SH3BP5: variants seen among roughly 807,000 people sequenced by gnomAD.
SH3BP5 encodes SH3 domain binding protein 5, also known as SH3 domain-binding protein 5.
A neutral mutation model predicts 43.3 loss-of-function variants in SH3BP5; 22 were observed. The ratio of observed to expected loss-of-function variants is 0.51; its 90% CI spans 0.36 to 0.73. The LOEUF is 0.73. Ranked by LOEUF, SH3BP5 falls within the 30% of genes least tolerant of loss-of-function variation. SH3BP5 has a pLI of 0.00. For missense variants in SH3BP5, 529 were observed against 586.9 expected, an observed-to-expected ratio of 0.90 and a Z score of 1.02; for synonymous variants, 255 against 225.8, an observed-to-expected ratio of 1.13 and a Z score of -1.16.
intron 2 of SH3BP5, among the ~76,000 whole-genome samples, chr3:15,312,145 C>T (rs146480076): frequency 1.1e-4 from 17 of 152,236 alleles, no homozygotes; most frequent in African/African-American, 3.9e-4. Flanking sequence ...TCATTCTGAG[C>T]GTTCAGTAGA....
At chr3:15,334,652 T>G (rs1169259492), upstream of SH3BP5, among the ~76,000 whole-genome samples, 1 of 152,150 alleles carries the variant, frequency 6.6e-6, no homozygotes, top group Non-Finnish European at 1.5e-5. Flanking sequence ...TAGAGCTGAC[T>G]TAAAGTATAC....
chr3:15,303,913 G>A (rs1047163807), intron 3 of SH3BP5, among the ~76,000 whole-genome samples, 190 bp downstream of exon 3: 2 of 152,114 alleles, frequency 1.3e-5, no homozygotes, highest in African/African-American at 2.4e-5. Flanking sequence ...TCATCCAAAT[G>A]CCAGCACTCA....
At chr3:15,264,157 A>G (rs532903711) in intron 4 of SH3BP5, 2 of 152,328 alleles carry the variant, frequency 1.3e-5, no homozygotes, top group African/African-American at 4.8e-5. Context: ...AAAGACTTTT[A>G]TATGGGCATT....
intron 2 of SH3BP5, among the ~76,000 whole-genome samples, chr3:15,311,723 G>A (rs1424302920): frequency 6.6e-6 from 1 of 152,062 alleles, no homozygotes; most frequent in African/African-American, 2.4e-5. Context: ...TACCCAAGCT[G>A]GATGCAGTGT....
chr3:15,333,411 C>T (rs1489502937), upstream of SH3BP5, among the ~76,000 whole-genome samples: 1 of 152,216 alleles, frequency 6.6e-6, no homozygotes, highest in African/African-American at 2.4e-5. Flanking sequence ...TGCACATGTC[C>T]TACACGGAGG....
At chr3:15,272,815 G>A (rs890179327) in intron 3 of SH3BP5, among the ~76,000 whole-genome samples, 1 of 152,164 alleles carries the variant, frequency 6.6e-6, no homozygotes, top group Non-Finnish European at 1.5e-5. Context: ...AGTGGCCCAG[G>A]GACCTGCCCC....
intron 2 of SH3BP5, among the ~76,000 whole-genome samples, chr3:15,304,620 G>A (rs545234725): frequency 6.6e-6 from 1 of 151,642 alleles, no homozygotes; most frequent in South Asian, 2.1e-4. Context: ...TTGGAGACCA[G>A]CCTGGCCAAC....
chr3:15,338,708 G>A (rs1470772434), intron 1 of SH3BP5, among the ~76,000 whole-genome samples: 3 of 151,594 alleles, frequency 2.0e-5, no homozygotes, highest in Non-Finnish European at 2.9e-5. Context: ...CCCATCCCTT[G>A]CACTAGCAAG....
intron 4 of SH3BP5, among the ~76,000 whole-genome samples, chr3:15,262,865 G>A (rs559097551): frequency 9.9e-5 from 15 of 151,552 alleles, no homozygotes; most frequent in Admixed American, 9.9e-4. Context: ...GGCTGAGGCA[G>A]GAGAATCACC....
intron 1 of SH3BP5, chr3:15,331,830 G>A (rs1698617202): frequency 6.1e-6 from 1 of 163,168 alleles, no homozygotes; most frequent in South Asian, 1.6e-4. Flanking sequence ...GCCAGCCCGC[G>A]CTGCAGGGCA....
At chr3:15,330,040 A>G (rs144471113) in intron 2 of SH3BP5, among the ~76,000 whole-genome samples, 1 of 152,234 alleles carries the variant, frequency 6.6e-6, no homozygotes, top group East Asian at 1.9e-4. Flanking sequence ...AGGGAAGCAG[A>G]AGGAGGCGGG....
At chr3:15,296,184 C>T (rs1697563670) in intron 3 of SH3BP5, among the ~76,000 whole-genome samples, 1 of 152,146 alleles carries the variant, frequency 6.6e-6, no homozygotes, top group Non-Finnish European at 1.5e-5. Flanking sequence ...TGCCATAACA[C>T]CACCTTCAAG....
chr3:15,261,087 G>A (rs146341016), intron 5 of SH3BP5, among the ~76,000 whole-genome samples: 212 of 152,244 alleles, frequency 1.4e-3, no homozygotes, highest in Non-Finnish European at 2.5e-3. Flanking sequence ...GCAGGCACAG[G>A]TCCTACAACA....
upstream of SH3BP5, chr3:15,333,273 A>G (rs1698659773): frequency 1.0e-6 from 1 of 985,446 alleles, no homozygotes. Context: ...CAAACTGAAG[A>G]GGCACGTGTG....
chr3:15,262,573 C>T (rs1696488886), intron 4 of SH3BP5, among the ~76,000 whole-genome samples: 1 of 152,176 alleles, frequency 6.6e-6, no homozygotes, highest in African/African-American at 2.4e-5. Flanking sequence ...AGGAGAATCA[C>T]TTGAACCCGG....
Position 15,332,482 on chromosome 3 carries a change from T to C in SH3BP5, c.-74A>G, listed in dbSNP as rs1250324743. 2.5e-5 allele frequency: 34 copies of C among 1,371,682 alleles called. No individual in the cohort carries two copies. Among genetic ancestry groups the C allele is most frequent in the Non-Finnish European group, 2.7e-5 (29 of 1,070,962 alleles). The allele number at this position is 1,371,682 out of a possible 1,614,324, so 85.0% of individuals were successfully genotyped here. A position where few individuals can be genotyped will look rare whatever the true frequency, so the allele number is the denominator to read the frequency against. On this transcript the variant is annotated 5_prime_UTR_variant, in exon 1 of 9. Coordinates refer to ENST00000383791, the MANE Select transcript of SH3BP5 (RefSeq NM_004844.5). ...GGGTCGCGGCTGCCACAGGCTGGGC[T>C]GGAGCCGCCTCGCCACAGCCGGGCA...
chr3:15,293,936 GGT>G (rs1483802332), intron 3 of SH3BP5, among the ~76,000 whole-genome samples: 1 of 151,914 alleles, frequency 6.6e-6, no homozygotes, highest in Non-Finnish European at 1.5e-5. Context: ...AAATTAGCCT[GGT>G]GTGGTGGTGT....
intron 1 of SH3BP5, among the ~76,000 whole-genome samples, chr3:15,338,514 G>A (rs991292054): frequency 6.6e-6 from 1 of 152,202 alleles, no homozygotes; most frequent in Non-Finnish European, 1.5e-5. Context: ...ATATTTACGT[G>A]GCACTTTAGG....
intron 3 of SH3BP5, among the ~76,000 whole-genome samples, chr3:15,279,238 G>A (rs1018560710): frequency 2.0e-5 from 3 of 151,922 alleles, no homozygotes; most frequent in African/African-American, 4.8e-5. Context: ...ATTTTTTCTC[G>A]GTCCCAAAGG....
Sources: allele counts gnomAD v4.1 joint callset (sites outside exome capture counted in the v4.1 genomes callset), GRCh38; gene constraint gnomAD v4.1.1; transcripts MANE v1.5; gene names NCBI Gene and HGNC (gene_info 2026-07-23, HGNC 2026-07-21).